The following ATL2 variants were observed in gnomAD, a reference collection of about 807,000 sequenced individuals.
ATL2 encodes the protein atlastin GTPase 2, also known as atlastin-2.
ATL2 carries 31 observed loss-of-function variants against 73.9 expected under a neutral mutation model. The ratio of observed to expected loss-of-function variants is 0.42; its 90% CI spans 0.32 to 0.57. The LOEUF (loss-of-function observed/expected upper bound fraction) is 0.57. ATL2 is among the 20% of genes least tolerant of loss of function. ATL2 has a pLI of 0.14. For missense variants in ATL2, 738 were observed against 702.6 expected (o/e 1.05, Z -0.57); for synonymous variants, 291 against 237.5 (o/e 1.23, Z -2.07).
chr2:38,309,111 T>A lies in ATL2; in HGVS notation c.1071+268A>T, dbSNP rs188719858. Among the ~76,000 whole-genome samples the A allele has an allele frequency of 1.6e-3, 239 of 152,268 alleles. 2 individuals are homozygous for A. Among genetic ancestry groups the A allele is most frequent in the African/African-American group, 5.5e-3 (228 of 41,574 alleles). The stretch of plus-strand genomic sequence containing the variant: ...ATGACAGAGTAGTATTAGAGTATGA[T>A]GAATGGCTTGTTCTCTCCATATCTG... On this transcript the variant is annotated intron_variant, in intron 9 of 12. Transcript: ENST00000378954.
chr2:38,348,673 G>A (rs1290389496), intron 1 of ATL2, among the ~76,000 whole-genome samples: 1 of 150,522 alleles, frequency 6.6e-6, no homozygotes, highest in Non-Finnish European at 1.5e-5. Flanking sequence ...TTGACAAATG[G>A]TATCTAATTA....
At chr2:38,348,348 C>T (rs1182441627) in intron 1 of ATL2, among the ~76,000 whole-genome samples, 1 of 151,790 alleles carries the variant, frequency 6.6e-6, no homozygotes. Context: ...TGCCTGTAAT[C>T]CCAGATACTC....
Position 38,354,462 on chromosome 2 carries a change from C to A in ATL2, c.119-10950G>T, listed in dbSNP as rs191255750. ...ATGAGGCAAAGTAAATGAAATTACA[C>A]CCTAAGGTTATGATTTTAAAGTGGA... On this transcript the variant is annotated intron_variant, in intron 1 of 12. Transcript: ENST00000378954. 2.3e-3 allele frequency among the ~76,000 whole-genome samples: 347 copies of A among 152,098 alleles called. 2 individuals are homozygous for A. Among genetic ancestry groups the A allele is most frequent in the South Asian group, 0.018 (86 of 4,808 alleles).
At chr2:38,354,102 G>T in intron 1 of ATL2, 1 of 392,404 alleles carries the variant, frequency 2.5e-6, no homozygotes, top group Non-Finnish European at 5.0e-6. Context: ...TGAGGCAGAG[G>T]AATCACTTGA....
intron 1 of ATL2, chr2:38,354,252 G>C (rs946583655): frequency 4.3e-5 from 14 of 324,108 alleles, no homozygotes; most frequent in African/African-American, 3.1e-4. Flanking sequence ...ATGTTCTTCA[G>C]GCTGAAATGA....
intron 2 of ATL2, among the ~76,000 whole-genome samples, chr2:38,335,287 T>C (rs750437745): frequency 2.7e-5 from 4 of 150,006 alleles, no homozygotes; most frequent in Non-Finnish European, 6.0e-5. Context: ...ACAAAGACTT[T>C]ACAAAAATGT....
chr2:38,358,819 G>C (rs934820502), intron 1 of ATL2: 5 of 152,444 alleles, frequency 3.3e-5, no homozygotes, highest in South Asian at 2.0e-4. Context: ...TTTTATAACA[G>C]TGCTGGGTCT....
chr2:38,308,887 C>A (rs1667594395), intron 9 of ATL2, among the ~76,000 whole-genome samples: 1 of 151,600 alleles, frequency 6.6e-6, no homozygotes, highest in African/African-American at 2.4e-5. Flanking sequence ...TACAACCTTC[C>A]ACAGCGGTCT....
intron 12 of ATL2, among the ~76,000 whole-genome samples, chr2:38,297,209 C>T (rs1666942904): frequency 6.6e-6 from 1 of 152,104 alleles, no homozygotes; most frequent in South Asian, 2.1e-4. Context: ...ATCCAATCAA[C>T]TTTCTTCAAA....
chr2:38,300,975 CTTTTT>C (rs111531452), intron 9 of ATL2, among the ~76,000 whole-genome samples: 1 of 141,318 alleles, frequency 7.1e-6, no homozygotes, highest in Admixed American at 7.0e-5. Flanking sequence ...TCTCAACTTT[CTTTTT>C]TTTTTTTGAG....
At position 38,315,277 on chromosome 2, in the gene ATL2, T is replaced by C. The variant is rs1255395404; in HGVS notation, c.654+7A>G. On this transcript the variant is annotated splice_region_variant and intron_variant, in intron 5 of 12. Coordinates refer to ENST00000378954, the MANE Select transcript of ATL2 (RefSeq NM_001135673.4). ...AAAAAATAAAAATTAAAAAAAGAAA[T>C]ACGTACTTGCAAATGTTGAAGATCA... is the stretch of plus-strand genomic sequence containing the variant. The C allele has an allele frequency of 1.3e-6, 2 of 1,482,462 alleles. No homozygotes were observed. Among genetic ancestry groups the C allele is most frequent in the Non-Finnish European group, 1.8e-6 (2 of 1,124,170 alleles). 91.8% of individuals were successfully genotyped at this position (1,482,462 alleles called of 1,614,324 possible). A position where few individuals can be genotyped will look rare whatever the true frequency, so the allele number is the denominator to read the frequency against.
At chr2:38,319,130 A>G in intron 2 of ATL2, 111 bp from the exon 3 acceptor site, 2 of 1,151,046 alleles carry the variant, frequency 1.7e-6, no homozygotes, top group Non-Finnish European at 2.5e-6. Context: ...CGGAAAGACA[A>G]AAAAAACACT....
intron 9 of ATL2, among the ~76,000 whole-genome samples, chr2:38,302,363 G>A (rs960426525): frequency 3.9e-5 from 6 of 152,120 alleles, no homozygotes; most frequent in African/African-American, 1.4e-4. Flanking sequence ...GGAGGCCAAG[G>A]CAGGCGGATC....
Position 38,309,391 on chromosome 2 carries a change from T to C in ATL2, c.1059A>G (p.Val353=). ...AGAGCTCACCTACCTTAAAATATTC[T>C]ACAAGATCTCTACAAGTGACTTTAG... ...SGSKVTCRDL[V]EYFKAYIKIY... Residue 353 remains valine (V), a synonymous_variant, in exon 9 of 13, where the codon GTA becomes GTG. Coordinates refer to ENST00000378954, the MANE Select transcript of ATL2 (RefSeq NM_001135673.4). 2 of 1,608,458 alleles carry C rather than the reference T, an allele frequency of 1.2e-6. No individual in the cohort carries two copies. The highest frequency in any genetic ancestry group is 8.5e-7 in the Non-Finnish European group (1 of 1,179,144).
intron 9 of ATL2, among the ~76,000 whole-genome samples, chr2:38,305,137 G>C (rs1455125264): frequency 6.6e-6 from 1 of 152,138 alleles, no homozygotes; most frequent in Non-Finnish European, 1.5e-5. Flanking sequence ...ATTATATAAT[G>C]ATAAAGGGAT....
intron 1 of ATL2, among the ~76,000 whole-genome samples, chr2:38,375,776 GC>G (rs1323470571): frequency 2.0e-5 from 3 of 152,212 alleles, no homozygotes; most frequent in Admixed American, 2.0e-4. Flanking sequence ...AGGCGAAGCT[GC>G]TTCTTTGGTA....
intron 2 of ATL2, among the ~76,000 whole-genome samples, chr2:38,324,202 C>T (rs1446265527): frequency 6.6e-6 from 1 of 152,130 alleles, no homozygotes; most frequent in African/African-American, 2.4e-5. Flanking sequence ...CGCTTGAACC[C>T]GGGAGGCGGA....
At chr2:38,353,709 G>A (rs1012664164) in intron 1 of ATL2, among the ~76,000 whole-genome samples, 2 of 152,142 alleles carry the variant, frequency 1.3e-5, no homozygotes, top group Non-Finnish European at 2.9e-5. Flanking sequence ...GTATAGTTAT[G>A]TAATAATTAT....
At chr2:38,314,852 A>T (rs944138241) in intron 5 of ATL2, among the ~76,000 whole-genome samples, 188 bp from the exon 6 acceptor site, 1 of 152,224 alleles carries the variant, frequency 6.6e-6, no homozygotes, top group Non-Finnish European at 1.5e-5. Context: ...ACCAGTTTAA[A>T]CCCATATAAC....
Sources: allele counts gnomAD v4.1 joint callset (sites outside exome capture counted in the v4.1 genomes callset), GRCh38; gene constraint gnomAD v4.1.1; transcripts MANE v1.5; gene names NCBI Gene and HGNC (gene_info 2026-07-23, HGNC 2026-07-21).